The following KALRN variants were observed in gnomAD, a reference collection of about 807,000 sequenced individuals.
The protein encoded by KALRN is kalirin.
Under a neutral mutation model 353.7 loss-of-function variants are expected in KALRN, and 70 were observed. The ratio of observed to expected loss-of-function variants is 0.20; its 90% CI spans 0.16 to 0.24. The LOEUF is 0.24. Ranked by LOEUF, KALRN falls within the 10% of genes least tolerant of loss-of-function variation. The probability of loss-of-function intolerance (pLI) is 1.00; values close to 1 mark genes in which losing one functional copy is unlikely to be tolerated. For synonymous variants in KALRN, 1,391 were observed against 1,434.8 expected (o/e 0.97, Z 0.69); for missense variants, 2,791 against 3,756.7 (o/e 0.74, Z 6.72).
chr3:124,247,053 C>G (rs1484023795), intron 3 of KALRN, among the ~76,000 whole-genome samples: 1 of 152,026 alleles, frequency 6.6e-6, no homozygotes, highest in Non-Finnish European at 1.5e-5. Flanking sequence ...ATTATGTGCC[C>G]TTCACTGATG....
chr3:124,686,596 G>T (rs1252950828), intron 51 of KALRN, among the ~76,000 whole-genome samples: 1 of 152,054 alleles, frequency 6.6e-6, no homozygotes, highest in East Asian at 1.9e-4. Context: ...AGTACCTGGG[G>T]TTAGTTATGT....
At chr3:124,573,086 G>C (rs920244525) in intron 34 of KALRN, among the ~76,000 whole-genome samples, 21 of 152,040 alleles carry the variant, frequency 1.4e-4, no homozygotes, top group Non-Finnish European at 2.9e-4. Flanking sequence ...CTGGTCACTG[G>C]CTAGATGATG....
At chr3:124,042,803 TG>T (rs1363536026) in intron 1 of KALRN, among the ~76,000 whole-genome samples, 3 of 151,862 alleles carry the variant, frequency 2.0e-5, no homozygotes, top group Non-Finnish European at 4.4e-5. Context: ...ATTCAGTAGG[TG>T]GATAATGAAG....
intron 34 of KALRN, among the ~76,000 whole-genome samples, chr3:124,597,701 T>C (rs555709727): frequency 9.2e-5 from 14 of 152,368 alleles, no homozygotes; most frequent in Admixed American, 8.5e-4. Context: ...ATGCTGTATA[T>C]GTAAATATTT....
At chr3:124,685,824 T>G (rs985239595) in intron 51 of KALRN, among the ~76,000 whole-genome samples, 1 of 152,158 alleles carries the variant, frequency 6.6e-6, no homozygotes, top group Admixed American at 6.5e-5. Context: ...CACCCTAGAC[T>G]GGGGGCCTAA....
intron 3 of KALRN, among the ~76,000 whole-genome samples, chr3:124,241,551 A>G (rs1038020065): frequency 2.0e-5 from 3 of 152,244 alleles, no homozygotes; most frequent in Non-Finnish European, 4.4e-5. Context: ...GTCAATATCA[A>G]ACAAAAAGTA....
chr3:124,586,341 G>A (rs1300783958), intron 34 of KALRN, among the ~76,000 whole-genome samples: 1 of 152,202 alleles, frequency 6.6e-6, no homozygotes, highest in Non-Finnish European at 1.5e-5. Flanking sequence ...AGGATTTCTT[G>A]GGAGTCCGTT....
At chr3:124,385,973 A>AC (rs1278517127) in intron 11 of KALRN, among the ~76,000 whole-genome samples, 1 of 152,016 alleles carries the variant, frequency 6.6e-6, no homozygotes, top group Non-Finnish European at 1.5e-5. Flanking sequence ...AAATAGCCCT[A>AC]CTTAATTAAG....
intron 10 of KALRN, among the ~76,000 whole-genome samples, chr3:124,378,674 C>A (rs1285729620): frequency 1.3e-5 from 1 of 76,386 alleles, no homozygotes; most frequent in Non-Finnish European, 2.6e-5. Flanking sequence ...GCACAGAATT[C>A]CCAGGTTTTG....
intron 6 of KALRN, among the ~76,000 whole-genome samples, chr3:124,313,972 G>A (rs542668692): frequency 3.9e-4 from 59 of 152,164 alleles, no homozygotes; most frequent in African/African-American, 1.3e-3. Context: ...TTGAGGAATC[G>A]CCACCCTGTC....
chr3:124,116,169 A>G (rs965171832), intron 1 of KALRN, among the ~76,000 whole-genome samples: 2 of 152,212 alleles, frequency 1.3e-5, no homozygotes, highest in East Asian at 3.8e-4. Context: ...CTCTTTGGTC[A>G]TGGCTAGAGA....
intron 6 of KALRN, among the ~76,000 whole-genome samples, chr3:124,321,474 G>A (rs2079330766): frequency 6.6e-6 from 1 of 152,226 alleles, no homozygotes; most frequent in Non-Finnish European, 1.5e-5. Flanking sequence ...GTAGGCGTAA[G>A]CCAGGAATCA....
chr3:124,439,854 A>G (rs1462899123), intron 18 of KALRN, among the ~76,000 whole-genome samples: 1 of 152,094 alleles, frequency 6.6e-6, no homozygotes, highest in Non-Finnish European at 1.5e-5. Flanking sequence ...TTCTGTGTTC[A>G]AGCTCATCTA....
At chr3:124,321,218 G>A (rs1204613555) in intron 6 of KALRN, among the ~76,000 whole-genome samples, 2 of 152,206 alleles carry the variant, frequency 1.3e-5, no homozygotes, top group Non-Finnish European at 2.9e-5. Context: ...CCACAAAAGT[G>A]TAAAGTTCAC....
chr3:124,700,748 AC>A (rs2062283365), intron 56 of KALRN, among the ~76,000 whole-genome samples: 1 of 151,978 alleles, frequency 6.6e-6, no homozygotes, highest in South Asian at 2.1e-4. Context: ...GGGGCAGCTG[AC>A]TGTACTCGAA....
At chr3:124,674,101 T>G (rs1218841267) in intron 48 of KALRN, among the ~76,000 whole-genome samples, 1 of 152,142 alleles carries the variant, frequency 6.6e-6, no homozygotes, top group Non-Finnish European at 1.5e-5. Flanking sequence ...GGGAAGGGGC[T>G]TCCAGGTCAA....
At chr3:124,715,015 C>CAAAAAAAAAAA (rs57167927) in intron 58 of KALRN, among the ~76,000 whole-genome samples, 1 of 126,734 alleles carries the variant, frequency 7.9e-6, no homozygotes, top group African/African-American at 2.9e-5. Flanking sequence ...GACTCCATCT[C>CAAAAAAAAAAA]AAAAAAAAAA....
intron 45 of KALRN, among the ~76,000 whole-genome samples, chr3:124,664,904 C>T (rs2085426616): frequency 6.6e-6 from 1 of 152,204 alleles, no homozygotes; most frequent in Admixed American, 6.5e-5. Context: ...CTCTGGCTTT[C>T]CCTTTGGTGC....
chr3:124,593,510 G>A (rs2076001888), intron 34 of KALRN, among the ~76,000 whole-genome samples: 1 of 152,114 alleles, frequency 6.6e-6, no homozygotes, highest in Admixed American at 6.5e-5. Context: ...CTGCTCACTT[G>A]GAGGGAAAAG....
Sources: allele counts gnomAD v4.1 joint callset (sites outside exome capture counted in the v4.1 genomes callset), GRCh38; gene constraint gnomAD v4.1.1; transcripts MANE v1.5; gene names NCBI Gene and HGNC (gene_info 2026-07-23, HGNC 2026-07-21).